LTBP2: variants seen among roughly 807,000 people sequenced by gnomAD.
LTBP2 encodes latent-transforming growth factor beta-binding protein 2.
Under a neutral mutation model 210.6 loss-of-function variants are expected in LTBP2, and 103 were observed. The observed-to-expected ratio is 0.49, with a 90% CI of 0.42 to 0.58. LTBP2 has a LOEUF of 0.58. Ranked by LOEUF, LTBP2 falls within the 20% of genes least tolerant of loss-of-function variation. LTBP2 has a pLI of 0.00. For synonymous variants in LTBP2, 1,007 were observed against 1,015.0 expected (o/e 0.99, Z 0.15); for missense variants, 2,313 against 2,494.5 (o/e 0.93, Z 1.55).
intron 3 of LTBP2, chr14:74,559,930 T>C (rs536165445): frequency 6.6e-6 from 1 of 152,316 alleles, no homozygotes; most frequent in African/African-American, 2.4e-5. Flanking sequence ...CCATCTACTA[T>C]CAGCCTTGGA....
rs7160756 is a variant in LTBP2, at chr14:74,510,283, A to G, written c.3029-70T>C. The G allele has an allele frequency of 0.57, 907,784 of 1,598,692 alleles. 259,603 individuals carry two copies. The highest frequency in any genetic ancestry group is 0.76 in the East Asian group (33,787 of 44,744). ...CCTGCAGCCCCCGCTGGCAGGCTCCAAGCATCTCAGTTATGAGGCCAGGGA... is the reference window on the plus strand; with the variant it reads ...CCTGCAGCCCCCGCTGGCAGGCTCCGAGCATCTCAGTTATGAGGCCAGGGA... On this transcript the variant is annotated intron_variant, in intron 19 of 35. Coordinates refer to ENST00000261978, the MANE Select transcript of LTBP2 (RefSeq NM_000428.3).
chr14:74,556,355 C>T (rs2087728777), intron 3 of LTBP2, among the ~76,000 whole-genome samples: 1 of 152,190 alleles, frequency 6.6e-6, no homozygotes, highest in Non-Finnish European at 1.5e-5. Context: ...CCTAGAGATA[C>T]AATTTTAAAT....
At position 74,570,478 on chromosome 14, in the gene LTBP2, C is replaced by T. The variant is rs948326797; in HGVS notation, c.831-14785G>A. On this transcript the variant is annotated intron_variant, in intron 3 of 35. Transcript: ENST00000261978. ...GGCCAAAGTCCCAGCCTGCCCTTTC[C>T]GCTCTCACAGGGGCTGGAAATTTAC... 7.2e-5 allele frequency among the ~76,000 whole-genome samples: 11 copies of T among 152,318 alleles called. No individual in the cohort carries two copies. The East Asian group carries it at 9.6e-4, about 13-fold the overall frequency.
At chr14:74,563,607 CAT>C (rs2087825399) in intron 3 of LTBP2, among the ~76,000 whole-genome samples, 1 of 152,132 alleles carries the variant, frequency 6.6e-6, no homozygotes, top group South Asian at 2.1e-4. Flanking sequence ...ATGGTTTTCA[CAT>C]GTTTAAATGG....
intron 3 of LTBP2, among the ~76,000 whole-genome samples, chr14:74,574,805 C>T (rs2088033995): frequency 2.0e-5 from 3 of 152,184 alleles, no homozygotes; most frequent in Admixed American, 2.0e-4. Context: ...AGGTTGTCAT[C>T]AGAGAGTTTG....
At chr14:74,588,531 G>GT (rs1437355493) in intron 2 of LTBP2, among the ~76,000 whole-genome samples, 1 of 152,132 alleles carries the variant, frequency 6.6e-6, no homozygotes, top group Non-Finnish European at 1.5e-5. Context: ...GCTGCCATTA[G>GT]TTTTTTTATG....
intron 31 of LTBP2, 121 bp from the exon 32 acceptor site, chr14:74,503,727 C>T (rs568500392): frequency 1.4e-6 from 2 of 1,391,156 alleles, no homozygotes; most frequent in African/African-American, 4.5e-5. Flanking sequence ...CTCCCCTCAA[C>T]CCAGCCCAGC....
At chr14:74,591,375 A>G (rs962793515) in intron 2 of LTBP2, among the ~76,000 whole-genome samples, 4 of 152,234 alleles carry the variant, frequency 2.6e-5, no homozygotes, top group African/African-American at 9.6e-5. Flanking sequence ...CATTTAGTAT[A>G]TAATAGCCTA....
At chr14:74,600,386 C>G (rs76256344) in intron 2 of LTBP2, among the ~76,000 whole-genome samples, 13 of 152,114 alleles carry the variant, frequency 8.5e-5, no homozygotes, top group Non-Finnish European at 1.8e-4. Context: ...AGAGAAATAC[C>G]AGGGGAGAAG....
In LTBP2 at chr14:74,526,177, C is replaced by T. The variant is rs1472776117; in HGVS notation, c.2389-63G>A. 3.6e-5 allele frequency: 54 copies of T among 1,505,634 alleles called. 2 individuals are homozygous for T. The Admixed American group carries it at 9.9e-4, about 28-fold the overall frequency. 93.3% of individuals were successfully genotyped at this position (1,505,634 alleles called of 1,614,324 possible). ...TGCCGTACCTGTGATGTGCCACCTT[C>T]CACCACACTGACCCCCACCTCCGGG... is the stretch of plus-strand genomic sequence containing the variant. On this transcript the variant is annotated intron_variant, in intron 13 of 35. Coordinates refer to ENST00000261978, the MANE Select transcript of LTBP2 (RefSeq NM_000428.3).
rs936357362 is a variant in LTBP2 at position 74,504,429 on chromosome 14, G to A, written c.4453+349C>T. On this transcript the variant is annotated intron_variant, in intron 30 of 35. Coordinates refer to ENST00000261978, the MANE Select transcript of LTBP2 (RefSeq NM_000428.3). ...CCAGAGTTTCTGGCCTCATCAGTGCGGCCAGGGAGATGAGCGCAGCCTCTG... is the reference window on the plus strand; with the variant it reads ...CCAGAGTTTCTGGCCTCATCAGTGCAGCCAGGGAGATGAGCGCAGCCTCTG... 3.3e-5 allele frequency among the ~76,000 whole-genome samples: 5 copies of A among 152,210 alleles called. No individual in the cohort carries two copies. In the East Asian group the frequency reaches 5.8e-4, roughly 18 times the overall value.
At chr14:74,576,422 G>A (rs2088058458) in intron 3 of LTBP2, among the ~76,000 whole-genome samples, 1 of 152,064 alleles carries the variant, frequency 6.6e-6, no homozygotes, top group Non-Finnish European at 1.5e-5. Flanking sequence ...TGGGAAAAAT[G>A]GATTATATAC....
chr14:74,533,724 A>C (rs969392420), intron 9 of LTBP2, among the ~76,000 whole-genome samples: 2 of 152,188 alleles, frequency 1.3e-5, no homozygotes, highest in Non-Finnish European at 2.9e-5. Flanking sequence ...TCTTCAAATA[A>C]GGGAGGTGCA....
Position 74,532,447 on chromosome 14 carries a change from G to A in LTBP2, c.1966C>T (p.Pro656Ser). ...CTCRPGLMLD[P>S]SRSRCVSDKA... ...TCACACACACAGCGGCTCCGCGATG[G>A]ATCCAGCATGAGGCCAGGTCTGCAT... The change falls in exon 10 of 36, where the codon CCA (proline) becomes TCA (serine). Residue 656 changes from proline to serine, a missense_variant. Pro to Ser is a moderately conservative substitution (Grantham distance 74). Around this residue, in one of 3 missense-constraint regions of LTBP2, gnomAD observed 1,867 missense variants for 1,976.9 expected, o/e 0.94. Transcript: ENST00000261978. 6.2e-7 allele frequency: 1 copy of A among 1,614,186 alleles called. No individual in the cohort carries two copies. The highest frequency in any genetic ancestry group is 2.2e-5 in the East Asian group (1 of 44,884).
intron 9 of LTBP2, 134 bp from the exon 10 acceptor site, chr14:74,532,682 T>C: frequency 1.0e-6 from 1 of 1,004,040 alleles, no homozygotes; most frequent in Non-Finnish European, 1.5e-6. Context: ...TCAGTGGGAT[T>C]CCTCTCCCTG....
At chr14:74,575,887 G>A (rs1244429682) in intron 3 of LTBP2, among the ~76,000 whole-genome samples, 1 of 152,226 alleles carries the variant, frequency 6.6e-6, no homozygotes, top group African/African-American at 2.4e-5. Flanking sequence ...CCTACAGTGA[G>A]CATTCCCCTT....
At chr14:74,567,271 C>T (rs573332988) in intron 3 of LTBP2, among the ~76,000 whole-genome samples, 1 of 152,218 alleles carries the variant, frequency 6.6e-6, no homozygotes, top group African/African-American at 2.4e-5. Context: ...CCTCCAGCCC[C>T]CTCATGTGTT....
chr14:74,505,915 G>A, intron 28 of LTBP2, 133 bp downstream of exon 28: 2 of 1,269,158 alleles, frequency 1.6e-6, no homozygotes, highest in Non-Finnish European at 2.2e-6. Context: ...GGCCCCGCCT[G>A]CACCTCCCTA....
chr14:74,501,414 ACTC>A (rs1024045703), intron 35 of LTBP2, 24 bp downstream of exon 35: 2 of 1,613,138 alleles, frequency 1.2e-6, no homozygotes, highest in African/African-American at 1.3e-5. Context: ...GGCCAGCCTG[ACTC>A]CTCCATCAGA....
Sources: allele counts gnomAD v4.1 joint callset (sites outside exome capture counted in the v4.1 genomes callset), GRCh38; gene constraint gnomAD v4.1.1; regional missense constraint gnomAD v4.1.1; transcripts MANE v1.5; gene names NCBI Gene and HGNC (gene_info 2026-07-23, HGNC 2026-07-21).